DGKG: variants seen among roughly 807,000 people sequenced by gnomAD.
The protein encoded by DGKG is diacylglycerol kinase gamma.
A neutral mutation model predicts 105.3 loss-of-function variants in DGKG; 78 were observed. The ratio of observed to expected loss-of-function variants is 0.74; its 90% CI spans 0.62 to 0.89. DGKG has a LOEUF of 0.89. DGKG is among the 40% of genes least tolerant of loss of function. The pLI is 0.00. For synonymous variants in DGKG, 346 were observed against 367.1 expected, an observed-to-expected ratio of 0.94 and a Z score of 0.66; for missense variants, 958 against 1,020.1, an observed-to-expected ratio of 0.94 and a Z score of 0.83.
At chr3:186,331,711 A>G (rs532145854) in intron 1 of DGKG, among the ~76,000 whole-genome samples, 85 of 152,350 alleles carry the variant, frequency 5.6e-4, no homozygotes, top group African/African-American at 1.7e-3. Flanking sequence ...TGGCACAGGC[A>G]GGCAGTGTTG....
Position 186,206,152 on chromosome 3 carries a change from G to A in DGKG, c.1917+5643C>T, listed in dbSNP as rs960997756. Among the ~76,000 whole-genome samples, 3 of 152,260 alleles carry A rather than the reference G, an allele frequency of 2.0e-5. No homozygotes were observed. In the South Asian group the frequency reaches 6.2e-4, roughly 32 times the overall value. On this transcript the variant is annotated intron_variant, in intron 21 of 24. Transcript: ENST00000265022. ...TGTAATCCCAGCACTTTGGGACGCCGAGGCAGGTGGATCATGAGGTCAGGA... is the reference window on the plus strand; with the variant it reads ...TGTAATCCCAGCACTTTGGGACGCCAAGGCAGGTGGATCATGAGGTCAGGA...
At position 186,302,564 on chromosome 3, in the gene DGKG, A is replaced by ATG. The variant is rs1435895314; in HGVS notation, c.144+4335_144+4336dup. 4.3e-4 allele frequency among the ~76,000 whole-genome samples: 28 copies of ATG among 64,936 alleles called. 1 individual carries two copies. Among genetic ancestry groups the ATG allele is most frequent in the South Asian group, 2.0e-3 (4 of 2,002 alleles). The allele number at this position is 64,936 out of a possible 152,430, so 42.6% of individuals were successfully genotyped here. ...TATATATATATATATATATACACAT[A>ATG]TGTATATATATATACCCACATACAT... On this transcript the variant is annotated intron_variant, in intron 3 of 24. Coordinates refer to ENST00000265022, the MANE Select transcript of DGKG (RefSeq NM_001346.3).
intron 7 of DGKG, chr3:186,281,171 G>T (rs1343332557): frequency 1.2e-5 from 2 of 167,514 alleles, no homozygotes; most frequent in African/African-American, 4.8e-5. Context: ...CTCTCAGCTC[G>T]AGGCCAGTTT....
At position 186,345,402 on chromosome 3, in the gene DGKG, G is replaced by C. The variant is rs554586205; in HGVS notation, c.-249+16544C>G. On this transcript the variant is annotated intron_variant, in intron 1 of 24. Transcript: ENST00000265022. The stretch of plus-strand genomic sequence containing the variant: ...TTAATTGTTATAACTGAGTTGTTTG[G>C]TGTCTTCATTTTCATGCTCTATTTT... 3.3e-5 allele frequency among the ~76,000 whole-genome samples: 5 copies of C among 152,172 alleles called. No homozygotes were observed. In the South Asian group the frequency reaches 8.3e-4, roughly 25 times the overall value.
At chr3:186,276,268 A>C (rs933512400) in intron 9 of DGKG, among the ~76,000 whole-genome samples, 1 of 152,216 alleles carries the variant, frequency 6.6e-6, no homozygotes, top group Non-Finnish European at 1.5e-5. Flanking sequence ...ATCTAATGGC[A>C]TGGGAATGTG....
chr3:186,202,892 G>A (rs1718542001), intron 21 of DGKG, among the ~76,000 whole-genome samples: 1 of 152,134 alleles, frequency 6.6e-6, no homozygotes, highest in South Asian at 2.1e-4. Flanking sequence ...TTACTTCTAA[G>A]TCCACGGAAG....
intron 2 of DGKG, among the ~76,000 whole-genome samples, chr3:186,315,941 A>G (rs1724797914): frequency 6.6e-6 from 1 of 152,256 alleles, no homozygotes; most frequent in Admixed American, 6.5e-5. Context: ...AAGATCTGAC[A>G]GCAGCTTCTT....
intron 22 of DGKG, among the ~76,000 whole-genome samples, chr3:186,170,226 C>T (rs961154266): frequency 2.0e-5 from 3 of 152,186 alleles, no homozygotes; most frequent in African/African-American, 2.4e-5. Context: ...AGCTAGGCAT[C>T]GGTCTTTGTT....
chr3:186,234,216 A>C (rs1720302516), intron 20 of DGKG, among the ~76,000 whole-genome samples: 1 of 152,196 alleles, frequency 6.6e-6, no homozygotes, highest in Admixed American at 6.5e-5. Context: ...GCCAATGATC[A>C]CTTCTCTCTA....
chr3:186,150,716 T>A (rs993431796), intron 24 of DGKG, among the ~76,000 whole-genome samples: 3 of 152,230 alleles, frequency 2.0e-5, no homozygotes, highest in Non-Finnish European at 4.4e-5. Flanking sequence ...ATTGAGTGCC[T>A]TATGTATTTC....
At chr3:186,175,578 C>A (rs1008961083) in intron 22 of DGKG, among the ~76,000 whole-genome samples, 2 of 152,094 alleles carry the variant, frequency 1.3e-5, no homozygotes, top group Admixed American at 6.6e-5. Context: ...AAGGGTCTGA[C>A]AGGAGCCTGC....
intron 1 of DGKG, among the ~76,000 whole-genome samples, chr3:186,355,699 T>TCAC (rs1553826336): frequency 7.4e-5 from 11 of 147,788 alleles, no homozygotes; most frequent in South Asian, 2.2e-4. Context: ...ATTATCACCA[T>TCAC]CACCAGCACC....
chr3:186,286,996 T>C (rs1326202899), intron 6 of DGKG, among the ~76,000 whole-genome samples: 7 of 150,914 alleles, frequency 4.6e-5, no homozygotes, highest in Non-Finnish European at 1.0e-4. Flanking sequence ...ATCACGCCAC[T>C]GCACTCTAGC....
At chr3:186,260,915 A>AC in intron 15 of DGKG, among the ~76,000 whole-genome samples, 1 of 151,844 alleles carries the variant, frequency 6.6e-6, no homozygotes, top group East Asian at 1.9e-4. Context: ...GCATCACAGG[A>AC]CCCCCTCCTC....
intron 2 of DGKG, among the ~76,000 whole-genome samples, chr3:186,307,752 A>T (rs1240541816): frequency 6.6e-6 from 1 of 152,218 alleles, no homozygotes; most frequent in African/African-American, 2.4e-5. Context: ...TCAAAACATT[A>T]AAAATTCATT....
chr3:186,199,010 C>T (rs201291399), intron 21 of DGKG, among the ~76,000 whole-genome samples: 149 of 151,742 alleles, frequency 9.8e-4, no homozygotes, highest in South Asian at 8.3e-4. Flanking sequence ...TGCAATGGTG[C>T]GATCTTGGCT....
intron 14 of DGKG, 164 bp from the exon 15 acceptor site, chr3:186,261,942 G>C: frequency 1.8e-6 from 1 of 557,436 alleles, no homozygotes; most frequent in South Asian, 2.0e-5. Context: ...AAGTAGCTAA[G>C]TGTCTCCAGT....
chr3:186,315,155 C>G (rs1310007659), intron 2 of DGKG, among the ~76,000 whole-genome samples: 1 of 152,220 alleles, frequency 6.6e-6, no homozygotes, highest in African/African-American at 2.4e-5. Context: ...CAAACAAACT[C>G]TCTGCCCAGA....
intron 8 of DGKG, 27 bp from the exon 9 acceptor site, chr3:186,280,000 T>TC (rs981812551): frequency 6.2e-7 from 1 of 1,612,782 alleles, no homozygotes; most frequent in African/African-American, 1.3e-5. Context: ...GCAATCATTG[T>TC]CCATTTTCAT....
Sources: gnomAD v4.1 joint callset for allele counts (sites outside exome capture counted in the v4.1 genomes callset) on GRCh38, gnomAD v4.1.1 for gene constraint, MANE v1.5 for transcripts, NCBI Gene and HGNC (gene_info 2026-07-23, HGNC 2026-07-21) for gene names.